The following CNTN4 variants were observed in gnomAD, a reference collection of about 807,000 sequenced individuals.
CNTN4 encodes contactin-4.
A neutral mutation model predicts 122.5 loss-of-function variants in CNTN4; 77 were observed. That is an observed-to-expected ratio of 0.63 (90% CI 0.52 to 0.76). The LOEUF (loss-of-function observed/expected upper bound fraction) is 0.76, where lower values mean the gene tolerates loss of function less well. Among genes scored for constraint, CNTN4 ranks in the 30% least tolerant of loss-of-function variants. CNTN4 has a pLI of 0.00. For missense variants in CNTN4, 1,256 were observed against 1,259.1 expected (o/e 1.00, Z 0.04); for synonymous variants, 512 against 447.0 (o/e 1.15, Z -1.83).
intron 4 of CNTN4, among the ~76,000 whole-genome samples, chr3:2,675,519 T>G (rs1001544315): frequency 6.6e-6 from 1 of 152,226 alleles, no homozygotes; most frequent in Non-Finnish European, 1.5e-5. Flanking sequence ...ATCTTGTTTA[T>G]TTATGTTTCC....
intron 2 of CNTN4, among the ~76,000 whole-genome samples, chr3:2,165,507 T>C (rs1023060786): frequency 6.7e-6 from 1 of 149,414 alleles, no homozygotes; most frequent in African/African-American, 2.4e-5. Context: ...TCACCTCACA[T>C]AGTTACCTTT....
chr3:2,619,440 C>T (rs527323963), intron 4 of CNTN4, among the ~76,000 whole-genome samples: 6 of 152,330 alleles, frequency 3.9e-5, no homozygotes, highest in South Asian at 2.1e-4. Context: ...GGATTCAAAA[C>T]ATTCCATTAT....
rs768682969 is a variant in CNTN4, at chr3:2,102,612, C to T, written c.-145+1973C>T. 7.2e-5 allele frequency among the ~76,000 whole-genome samples: 11 copies of T among 152,222 alleles called. No homozygotes were observed. The South Asian group carries it at 8.3e-4, about 11-fold the overall frequency. On this transcript the variant is annotated intron_variant, in intron 2 of 24. Transcript: ENST00000418658. ...GCCTTCATCTGTTCTGTGCCCTTGC[C>T]GTCTTCAGCAGGGTCACTGTGCTTA...
chr3:2,585,679 G>T (rs1395229658), intron 4 of CNTN4, among the ~76,000 whole-genome samples: 20 of 134,448 alleles, frequency 1.5e-4, no homozygotes, highest in South Asian at 1.2e-3. Flanking sequence ...TCACACACCG[G>T]GGCCTGTTGT....
chr3:2,705,251 C>T (rs2086591508), intron 4 of CNTN4, among the ~76,000 whole-genome samples: 1 of 148,206 alleles, frequency 6.7e-6, no homozygotes, highest in African/African-American at 2.5e-5. Context: ...GCCTGTAGTC[C>T]CAGCTACTCG....
intron 3 of CNTN4, among the ~76,000 whole-genome samples, chr3:2,437,425 T>C (rs1575627721): frequency 6.6e-6 from 1 of 152,206 alleles, no homozygotes; most frequent in East Asian, 1.9e-4. Flanking sequence ...CTGCCGTAAA[T>C]GTGCATTTTA....
At chr3:2,838,782 C>T (rs966766827) in intron 7 of CNTN4, among the ~76,000 whole-genome samples, 22 of 152,154 alleles carry the variant, frequency 1.4e-4, no homozygotes, top group Non-Finnish European at 2.8e-4. Flanking sequence ...GTTGCAAAGT[C>T]TGACATCCGT....
At chr3:2,863,864 A>G (rs1290255572) in intron 7 of CNTN4, among the ~76,000 whole-genome samples, 2 of 152,226 alleles carry the variant, frequency 1.3e-5, no homozygotes, top group Non-Finnish European at 2.9e-5. Flanking sequence ...TTGATCATGT[A>G]ACCCTTTGAG....
Position 2,364,607 on chromosome 3 carries a change from T to G in CNTN4, c.-89+25374T>G, listed in dbSNP as rs912512857. 5.3e-5 allele frequency among the ~76,000 whole-genome samples: 8 copies of G among 151,918 alleles called. 1 individual carries two copies. The highest frequency in any genetic ancestry group is 1.9e-4 in the African/African-American group (8 of 41,360). ...TCTAGTTGAGTCCCCGGAGAACAGT[T>G]AAATAGTTATAGTGCAGGCCTTGCG... On this transcript the variant is annotated intron_variant, in intron 3 of 24. Transcript: ENST00000418658.
intron 4 of CNTN4, among the ~76,000 whole-genome samples, chr3:2,641,475 A>T (rs1015336405): frequency 6.6e-6 from 1 of 152,214 alleles, no homozygotes; most frequent in African/African-American, 2.4e-5. Flanking sequence ...AAGCAATCTT[A>T]TAAGTCAACT....
At chr3:2,880,802 A>G (rs1463453400) in intron 8 of CNTN4, among the ~76,000 whole-genome samples, 2 of 152,208 alleles carry the variant, frequency 1.3e-5, no homozygotes, top group Non-Finnish European at 2.9e-5. Flanking sequence ...CTGTGGGACT[A>G]AAGATAAACC....
intron 4 of CNTN4, among the ~76,000 whole-genome samples, chr3:2,642,378 C>G (rs2082935289): frequency 6.6e-6 from 1 of 152,168 alleles, no homozygotes; most frequent in Non-Finnish European, 1.5e-5. Context: ...TCCACTGACT[C>G]AAATGTTAAT....
chr3:2,518,670 AGTTTTACAGATAGAATT>A (rs1367557890), intron 3 of CNTN4, among the ~76,000 whole-genome samples: 2 of 152,154 alleles, frequency 1.3e-5, no homozygotes, highest in Admixed American at 1.3e-4. Context: ...TAAAACATAT[AGTTTTACAGATAGAATT>A]GTTTAGCCCA....
intron 14 of CNTN4, among the ~76,000 whole-genome samples, chr3:3,004,433 G>C (rs909289527): frequency 6.6e-6 from 1 of 152,156 alleles, no homozygotes; most frequent in Non-Finnish European, 1.5e-5. Flanking sequence ...CTCTATTTCT[G>C]TGACACCGTA....
chr3:2,707,844 A>G (rs1341598563), intron 4 of CNTN4, among the ~76,000 whole-genome samples: 1 of 152,164 alleles, frequency 6.6e-6, no homozygotes, highest in Non-Finnish European at 1.5e-5. Flanking sequence ...GAATTTTCAC[A>G]ACTCTGACTA....
In CNTN4 at chr3:2,285,507, C is replaced by T. The variant is rs150661612; in HGVS notation, c.-144-53671C>T. ...TCTTCCTCTCCCTGCACATTTTTTA[C>T]TTCTTATATTTAAGTATTCTGCTAT... On this transcript the variant is annotated intron_variant, in intron 2 of 24. Transcript: ENST00000418658. 2.6e-5 allele frequency among the ~76,000 whole-genome samples: 4 copies of T among 152,080 alleles called. No homozygotes were observed. The East Asian group carries it at 7.7e-4, about 29-fold the overall frequency.
chr3:2,744,287 AT>A (rs1208460878), intron 5 of CNTN4, among the ~76,000 whole-genome samples: 1 of 152,144 alleles, frequency 6.6e-6, no homozygotes, highest in Non-Finnish European at 1.5e-5. Flanking sequence ...ACTCACGTAC[AT>A]TTTTTTCATG....
At chr3:2,258,313 G>T (rs1485295329) in intron 2 of CNTN4, among the ~76,000 whole-genome samples, 5 of 152,070 alleles carry the variant, frequency 3.3e-5, no homozygotes, top group Non-Finnish European at 7.4e-5. Flanking sequence ...TTGCAGCACT[G>T]TTTGCAATAG....
At chr3:2,208,422 A>T (rs1196082160) in intron 2 of CNTN4, among the ~76,000 whole-genome samples, 1 of 152,142 alleles carries the variant, frequency 6.6e-6, no homozygotes, top group Non-Finnish European at 1.5e-5. Flanking sequence ...ATCTCATGAT[A>T]AAGTTGAAAT....
Sources: allele counts gnomAD v4.1 joint callset (sites outside exome capture counted in the v4.1 genomes callset), GRCh38; gene constraint gnomAD v4.1.1; transcripts MANE v1.5; gene names NCBI Gene and HGNC (gene_info 2026-07-23, HGNC 2026-07-21).